Variants in KDR observed in about 807,000 individuals in gnomAD.
KDR encodes kinase insert domain receptor, also known as vascular endothelial growth factor receptor 2.
In KDR, 43 loss-of-function variants were observed where a neutral mutation model predicts 160.9. The observed-to-expected ratio is 0.27, with a 90% CI of 0.21 to 0.34. The LOEUF is 0.34. Ranked by LOEUF, KDR falls within the 10% of genes least tolerant of loss-of-function variation. The pLI is 1.00. For missense variants in KDR, 1,469 were observed against 1,666.4 expected (o/e 0.88, Z 2.06); for synonymous variants, 617 against 600.1 (o/e 1.03, Z -0.41).
At position 55,100,420 on chromosome 4, in the gene KDR, G is replaced by T. The variant is rs973875859; in HGVS notation, c.2266+1477C>A. Among the ~76,000 whole-genome samples the T allele has an allele frequency of 2.6e-5, 4 of 152,068 alleles. No homozygotes were observed. The East Asian group carries it at 7.7e-4, about 29-fold the overall frequency. Reference sequence around the variant, plus strand: ...ATTAATATTCTCGCATAACATTTGGGAACCCAGCAGGAGTATTAAATATCT... The same window carrying T: ...ATTAATATTCTCGCATAACATTTGGTAACCCAGCAGGAGTATTAAATATCT... On this transcript the variant is annotated intron_variant, in intron 15 of 29. Coordinates refer to ENST00000263923, the MANE Select transcript of KDR (RefSeq NM_002253.4).
chr4:55,104,737 A>C lies in KDR; in HGVS notation c.1893T>G (p.Asn631Lys). Residue 631 changes from asparagine to lysine, a missense_variant, in exon 13 of 30, where the codon AAT (asparagine) becomes AAG (lysine). By Grantham distance (94) the Asn-to-Lys change is moderately conservative. Transcript: ENST00000263923. ...AGTCTCCTTGGTCCTGCAAGGATGC[A>C]TTCTTAAGCTCCATGATCAAAATGT... is the stretch of plus-strand genomic sequence containing the variant. The part of the protein sequence containing the change: ...TNDILIMELK[N>K]ASLQDQGDYV... The C allele has an allele frequency of 1.2e-6, 2 of 1,613,972 alleles. No homozygotes were observed. Among genetic ancestry groups the C allele is most frequent in the Non-Finnish European group, 1.7e-6 (2 of 1,179,898 alleles).
chr4:55,091,105 G>A (rs912041071), intron 22 of KDR, among the ~76,000 whole-genome samples: 4 of 152,024 alleles, frequency 2.6e-5, no homozygotes, highest in Non-Finnish European at 5.9e-5. Flanking sequence ...CACACACCTT[G>A]GCCTCCCAAA....
chr4:55,087,488 G>T, intron 27 of KDR, 119 bp downstream of exon 27: 1 of 879,424 alleles, frequency 1.1e-6, no homozygotes, highest in Admixed American at 2.2e-5. Context: ...TCAGGGCTAA[G>T]GTTATGTGGA....
At position 55,125,398 on chromosome 4, in the gene KDR, C is replaced by T; in HGVS notation, c.-105G>A. The T allele has an allele frequency of 5.8e-6, 8 of 1,386,752 alleles. No homozygotes were observed. The highest frequency in any genetic ancestry group is 7.9e-6 in the Non-Finnish European group (8 of 1,009,588). 85.9% of individuals were successfully genotyped at this position (1,386,752 alleles called of 1,614,324 possible). A position where few individuals can be genotyped will look rare whatever the true frequency, so the allele number is the denominator to read the frequency against. On this transcript the variant is annotated 5_prime_UTR_variant, in exon 1 of 30. Coordinates refer to ENST00000263923, the MANE Select transcript of KDR (RefSeq NM_002253.4). ...CGGAGGTGGAACTCGCGGCACCCCG[C>T]AGCGCAGGACAGTTGAGCGCACAGG... is the stretch of plus-strand genomic sequence containing the variant.
rs191496526 is a variant in KDR at position 55,082,714 on chromosome 4, A to G, written c.3663-79T>C. 11 of 1,029,486 alleles carry G rather than the reference A, an allele frequency of 1.1e-5. No homozygotes were observed. In the East Asian group the frequency reaches 1.9e-4, roughly 18 times the overall value. 63.8% of individuals were successfully genotyped at this position (1,029,486 alleles called of 1,614,324 possible). A position where few individuals can be genotyped will look rare whatever the true frequency, so the allele number is the denominator to read the frequency against. ...GGCTACCTAAGTTCATTATCTTTCA[A>G]CCACAAACTTAATAGCAACCTTCAA... On this transcript the variant is annotated intron_variant, in intron 27 of 29. Transcript: ENST00000263923.
Position 55,121,091 on chromosome 4 carries a change from C to G in KDR, c.161+6G>C. 1 of 1,583,140 alleles carries G rather than the reference C, an allele frequency of 6.3e-7. No homozygotes were observed. Among genetic ancestry groups the G allele is most frequent in the Non-Finnish European group, 8.7e-7 (1 of 1,152,070 alleles). ...CAAGAAATCTAGATCTAGAATGAAT[C>G]CTTACCTGCAAGTAATTTGAAGAGT... On this transcript the variant is annotated splice_donor_region_variant and intron_variant, in intron 2 of 29. Transcript: ENST00000263923.
In KDR at chr4:55,082,014, G is replaced by A. The variant is rs765804235; in HGVS notation, c.3790C>T (p.Leu1264Phe). 5 of 1,613,536 alleles carry A rather than the reference G, an allele frequency of 3.1e-6. No individual in the cohort carries two copies. Among genetic ancestry groups the A allele is most frequent in the Non-Finnish European group, 4.2e-6 (5 of 1,179,588 alleles). The stretch of plus-strand genomic sequence containing the variant: ...AAAGTTTTCAGCTCTTCTGAGGCAA[G>A]AACCATACCACTGTCCGTCTGGTTG... The part of the protein sequence containing the change: ...DDNQTDSGMV[L>F]ASEELKTLED... Residue 1264 changes from leucine (L) to phenylalanine (F), a missense_variant, in exon 29 of 30, where the codon CTT becomes TTT. Coordinates refer to ENST00000263923, the MANE Select transcript of KDR (RefSeq NM_002253.4).
In KDR at chr4:55,094,926, T is replaced by C. The variant is rs1157332132; in HGVS notation, c.2847A>G (p.Lys949=). 2 of 1,613,974 alleles carry C rather than the reference T, an allele frequency of 1.2e-6. No individual in the cohort carries two copies. Among genetic ancestry groups the C allele is most frequent in the Non-Finnish European group, 1.7e-6 (2 of 1,179,896 alleles). The change falls in exon 21 of 30, where the codon AAA becomes AAG. Residue 949 remains lysine (K), a synonymous_variant. Transcript: ENST00000263923. ...KTKGARFRQG[K]DYVGAIPVDL... ...CCACAGGGATTGCTCCAACGTAGTC[T>C]TTCCCTTGACGGAATCGTGCCCCTT...
intron 7 of KDR, 91 bp from the exon 8 acceptor site, chr4:55,110,859 G>C (rs1560521584): frequency 2.9e-6 from 3 of 1,040,064 alleles, no homozygotes; most frequent in East Asian, 2.5e-5. Context: ...CAAAGACCTT[G>C]AGGGTCTGAG....
chr4:55,095,000 G>A (rs2110015480), intron 20 of KDR, 45 bp from the exon 21 acceptor site: 2 of 1,586,010 alleles, frequency 1.3e-6, no homozygotes, highest in Non-Finnish European at 1.7e-6. Context: ...AATACAAAAT[G>A]AGTCTTTAAA....
At position 55,079,644 on chromosome 4, in the gene KDR, C is replaced by A. The variant is rs1719677751; in HGVS notation, c.*297G>T. Reference sequence around the variant, plus strand: ...TTTGAGGATGGGGCCATTTCTTGAACGTCTTTGTTCTAAACCCATGGTGAG... The same window carrying A: ...TTTGAGGATGGGGCCATTTCTTGAAAGTCTTTGTTCTAAACCCATGGTGAG... On this transcript the variant is annotated 3_prime_UTR_variant, in exon 30 of 30. Coordinates refer to ENST00000263923, the MANE Select transcript of KDR (RefSeq NM_002253.4). 1 of 458,002 alleles carries A rather than the reference C, an allele frequency of 2.2e-6. No homozygotes were observed. Among genetic ancestry groups the A allele is most frequent in the Non-Finnish European group, 4.0e-6 (1 of 249,352 alleles). 28.4% of individuals were successfully genotyped at this position (458,002 alleles called of 1,614,324 possible).
intron 20 of KDR, 107 bp downstream of exon 20, chr4:55,095,470 T>A (rs1720127767): frequency 2.5e-6 from 2 of 789,126 alleles, no homozygotes; most frequent in East Asian, 5.0e-5. Flanking sequence ...TATGAGAAGA[T>A]TCCTCACAAG....
chr4:55,083,590 T>C (rs372254108), intron 27 of KDR, among the ~76,000 whole-genome samples: 16 of 151,928 alleles, frequency 1.1e-4, no homozygotes, highest in African/African-American at 2.4e-5. Context: ...GTGAGTCTAG[T>C]TGATGCTATC....
At chr4:55,099,770 A>G (rs1720263835) in intron 15 of KDR, among the ~76,000 whole-genome samples, 1 of 152,202 alleles carries the variant, frequency 6.6e-6, no homozygotes, top group African/African-American at 2.4e-5. Flanking sequence ...GAGGGCACAC[A>G]GCTAGTCAGT....
At chr4:55,114,066 A>T (rs1327170824) in intron 6 of KDR, 60 bp downstream of exon 6, 2 of 1,601,250 alleles carry the variant, frequency 1.2e-6, no homozygotes, top group East Asian at 2.2e-5. Context: ...TCTCAAGCAA[A>T]CTTCACTGGG....
At chr4:55,111,149 G>A (rs1720572762) in intron 7 of KDR, among the ~76,000 whole-genome samples, 1 of 152,146 alleles carries the variant, frequency 6.6e-6, no homozygotes, top group Non-Finnish European at 1.5e-5. Flanking sequence ...CCAGGACTCA[G>A]TCCTCAGACC....
At chr4:55,095,049 A>G in intron 20 of KDR, 94 bp from the exon 21 acceptor site, 5 of 1,229,104 alleles carry the variant, frequency 4.1e-6, no homozygotes, top group Non-Finnish European at 5.9e-6. Context: ...CATGGAGATA[A>G]TTGAAACTAC....
At chr4:55,086,950 T>C (rs1014530093) in intron 27 of KDR, among the ~76,000 whole-genome samples, 37 of 152,144 alleles carry the variant, frequency 2.4e-4, no homozygotes, top group African/African-American at 8.7e-4. Flanking sequence ...TAATATCATA[T>C]TGTAGAAAAC....
At chr4:55,106,558 G>T in intron 11 of KDR, 129 bp downstream of exon 11, 2 of 735,138 alleles carry the variant, frequency 2.7e-6, no homozygotes, top group Non-Finnish European at 4.7e-6. Flanking sequence ...TATTTTCAAA[G>T]TGACTTAATA....
Sources: allele counts gnomAD v4.1 joint callset (sites outside exome capture counted in the v4.1 genomes callset), GRCh38; gene constraint gnomAD v4.1.1; transcripts MANE v1.5; gene names NCBI Gene and HGNC (gene_info 2026-07-23, HGNC 2026-07-21).